Variants in TTC28 observed in about 807,000 individuals in gnomAD.
TTC28 encodes the protein tetratricopeptide repeat domain 28.
Under a neutral mutation model 198.0 loss-of-function variants are expected in TTC28, and 61 were observed. The ratio of observed to expected loss-of-function variants is 0.31; its 90% CI spans 0.25 to 0.38. The LOEUF is 0.38. Among genes scored for constraint, TTC28 ranks in the 10% least tolerant of loss-of-function variants. The pLI, the probability that TTC28 is intolerant of heterozygous loss-of-function variation, is 1.00. For missense variants in TTC28, 2,678 were observed against 3,164.0 expected (o/e 0.85, Z 3.69); for synonymous variants, 1,171 against 1,297.8 (o/e 0.90, Z 2.10).
rs182175604 is a variant in TTC28 at position 28,064,116 on chromosome 22, T to C, written c.3932+29964A>G. On this transcript the variant is annotated intron_variant, in intron 12 of 22. Transcript: ENST00000397906. ...CATGGCAGACAGGGTAGGGGATGGA[T>C]ATGAAAGAAGTGACATGTGCTTATT... Among the ~76,000 whole-genome samples the C allele has an allele frequency of 5.5e-4, 83 of 152,254 alleles. 1 individual carries two copies. Among genetic ancestry groups the C allele is most frequent in the South Asian group, 2.9e-3 (14 of 4,828 alleles).
intron 2 of TTC28, among the ~76,000 whole-genome samples, chr22:28,395,931 A>G (rs763268070): frequency 2.3e-4 from 35 of 152,242 alleles, no homozygotes; most frequent in African/African-American, 9.6e-5. Context: ...AATGTGAAAA[A>G]TATTCACAAC....
chr22:28,351,280 A>G (rs1449045339), intron 2 of TTC28, among the ~76,000 whole-genome samples: 2 of 152,210 alleles, frequency 1.3e-5, no homozygotes, highest in East Asian at 3.9e-4. Context: ...TCTACAAACA[A>G]AAGAGCTCAT....
rs576027613 is a variant in TTC28 at position 27,980,993 on chromosome 22, G to C, written c.*1228C>G. The C allele has an allele frequency of 2.0e-5, 3 of 152,600 alleles. No individual in the cohort carries two copies. Among genetic ancestry groups the C allele is most frequent in the Non-Finnish European group, 4.4e-5 (3 of 68,268 alleles). 9.5% of individuals were successfully genotyped at this position (152,600 alleles called of 1,614,324 possible). ...GATCTGTACGTGTGGCTTCAGCAGT[G>C]GGGGAGGGGCCAGTCCTTCAGACAG... is the stretch of plus-strand genomic sequence containing the variant. On this transcript the variant is annotated 3_prime_UTR_variant, in exon 23 of 23. Coordinates refer to ENST00000397906, the MANE Select transcript of TTC28 (RefSeq NM_001145418.2).
chr22:28,151,046 G>A (rs1943595828), intron 6 of TTC28, among the ~76,000 whole-genome samples: 1 of 152,110 alleles, frequency 6.6e-6, no homozygotes, highest in Admixed American at 6.5e-5. Context: ...GTCCCCATGG[G>A]GGGTTTTTGA....
chr22:28,129,339 C>T (rs755429551), intron 6 of TTC28, among the ~76,000 whole-genome samples: 2 of 152,150 alleles, frequency 1.3e-5, no homozygotes, highest in Non-Finnish European at 2.9e-5. Context: ...CAATTAAATC[C>T]GAATCTCTGA....
At chr22:28,210,831 A>G (rs767628869) in intron 5 of TTC28, among the ~76,000 whole-genome samples, 17 of 152,100 alleles carry the variant, frequency 1.1e-4, no homozygotes, top group African/African-American at 3.9e-4. Context: ...CAAGACAAAT[A>G]TTGTCAGATT....
chr22:28,128,275 G>A (rs543781009), intron 6 of TTC28, among the ~76,000 whole-genome samples: 14 of 151,880 alleles, frequency 9.2e-5, no homozygotes, highest in Non-Finnish European at 1.6e-4. Context: ...CCGAGATTGC[G>A]CCATTACACT....
At chr22:28,434,285 G>C (rs2047482457) in intron 2 of TTC28, among the ~76,000 whole-genome samples, 1 of 152,190 alleles carries the variant, frequency 6.6e-6, no homozygotes, top group African/African-American at 2.4e-5. Context: ...ATTCATGCTT[G>C]TGATAATAAT....
intron 1 of TTC28, among the ~76,000 whole-genome samples, chr22:28,678,447 C>T (rs2052037751): frequency 6.6e-6 from 1 of 152,172 alleles, no homozygotes; most frequent in Admixed American, 6.5e-5. Flanking sequence ...TGGCTCACTA[C>T]AGCCTCAAGC....
At chr22:28,541,433 G>C (rs2049409424) in intron 2 of TTC28, among the ~76,000 whole-genome samples, 1 of 152,148 alleles carries the variant, frequency 6.6e-6, no homozygotes, top group South Asian at 2.1e-4. Context: ...TCCAAAAGAA[G>C]CAGCTACTCA....
intron 5 of TTC28, among the ~76,000 whole-genome samples, chr22:28,194,682 A>G (rs1286461158): frequency 6.6e-6 from 1 of 150,492 alleles, no homozygotes; most frequent in Middle Eastern, 3.2e-3. Context: ...TAGAAAATCT[A>G]GAAGAAATGG....
chr22:28,414,025 T>C (rs1012225979), intron 2 of TTC28, among the ~76,000 whole-genome samples: 4 of 152,242 alleles, frequency 2.6e-5, no homozygotes, highest in African/African-American at 9.6e-5. Flanking sequence ...CCTAGACACA[T>C]GTCAAAGCTT....
At chr22:28,232,803 A>AT (rs1229207299) in intron 5 of TTC28, 2 of 151,952 alleles carry the variant, frequency 1.3e-5, no homozygotes, top group African/African-American at 4.8e-5. Context: ...GTAATTTTAA[A>AT]TTTTTTCCAT....
intron 2 of TTC28, among the ~76,000 whole-genome samples, chr22:28,316,333 G>T (rs2045351171): frequency 6.6e-6 from 1 of 152,086 alleles, no homozygotes; most frequent in Non-Finnish European, 1.5e-5. Context: ...TCATTACATT[G>T]TGTTGATTAC....
intron 2 of TTC28, among the ~76,000 whole-genome samples, chr22:28,626,445 A>G (rs1440530377): frequency 6.6e-6 from 1 of 152,156 alleles, no homozygotes; most frequent in African/African-American, 2.4e-5. Flanking sequence ...TAAAGACTTT[A>G]GAAAAGCAAA....
intron 5 of TTC28, among the ~76,000 whole-genome samples, chr22:28,273,703 G>A (rs1258438885): frequency 2.0e-5 from 3 of 152,112 alleles, no homozygotes; most frequent in Non-Finnish European, 4.4e-5. Context: ...TAGTAGCCAA[G>A]AATGTTCCAA....
In TTC28 at chr22:28,014,336, C is replaced by T. The variant is rs1173335189; in HGVS notation, c.4130G>A (p.Gly1377Glu). 5.8e-6 allele frequency: 9 copies of T among 1,551,496 alleles called. No homozygotes were observed. Among genetic ancestry groups the T allele is most frequent in the Non-Finnish European group, 7.0e-6 (8 of 1,146,994 alleles). ...FSNTVSPTQD[G>E]TSSLPRRQSS... ...CTGCCTCCTGGGAAGAGAGGAGGTC[C>T]CGTCCTGGGTCGGTGACACAGTGTT... Residue 1377 changes from glycine to glutamate, a missense_variant, in exon 14 of 23, where the codon GGG (glycine) becomes GAG (glutamate). Physicochemically the swap from Gly to Glu is moderately conservative, Grantham distance 98. Around this residue, in one of 8 missense-constraint regions of TTC28, gnomAD observed 727 missense variants for 861.9 expected, o/e 0.84. Transcript: ENST00000397906.
At chr22:28,210,403 C>T (rs1036798666) in intron 5 of TTC28, among the ~76,000 whole-genome samples, 11 of 152,040 alleles carry the variant, frequency 7.2e-5, no homozygotes, top group East Asian at 5.8e-4. Context: ...AAAGATTGGA[C>T]GAGTGGCTAA....
intron 2 of TTC28, among the ~76,000 whole-genome samples, chr22:28,558,651 G>A (rs1258446874): frequency 2.0e-5 from 3 of 151,750 alleles, no homozygotes; most frequent in Non-Finnish European, 2.9e-5. Flanking sequence ...CTCCAGCCTG[G>A]GCAACAAGAG....
Sources: gnomAD v4.1 joint callset for allele counts (sites outside exome capture counted in the v4.1 genomes callset) on GRCh38, gnomAD v4.1.1 for gene constraint, gnomAD v4.1.1 regional missense constraint, MANE v1.5 for transcripts, NCBI Gene and HGNC (gene_info 2026-07-23, HGNC 2026-07-21) for gene names.